The following CTNNA2 variants were observed in gnomAD, a reference collection of about 807,000 sequenced individuals.
CTNNA2 encodes the protein catenin alpha 2.
Under a neutral mutation model 101.0 loss-of-function variants are expected in CTNNA2, and 42 were observed. The observed-to-expected ratio is 0.42, with a 90% CI of 0.32 to 0.54. The LOEUF is 0.54. Ranked by LOEUF, CTNNA2 falls within the 20% of genes least tolerant of loss-of-function variation. The pLI is 0.14. For synonymous variants in CTNNA2, 450 were observed against 456.4 expected (o/e 0.99, Z 0.18); for missense variants, 871 against 1,223.1 (o/e 0.71, Z 4.29).
intron 7 of CTNNA2, among the ~76,000 whole-genome samples, chr2:79,946,618 C>T (rs747446339): frequency 3.3e-5 from 5 of 152,170 alleles, no homozygotes; most frequent in Admixed American, 6.5e-5. Context: ...TTTAATCTTG[C>T]TTTTCCTTTC....
At chr2:80,369,427 A>G (rs1675251229) in intron 7 of CTNNA2, among the ~76,000 whole-genome samples, 2 of 152,126 alleles carry the variant, frequency 1.3e-5, no homozygotes, top group Admixed American at 1.3e-4. Flanking sequence ...TCACCCAAGC[A>G]TGCAAGAATG....
intron 4 of CTNNA2, among the ~76,000 whole-genome samples, chr2:79,416,242 T>G (rs1291852701): frequency 1.3e-5 from 2 of 149,958 alleles, no homozygotes; most frequent in Non-Finnish European, 3.0e-5. Context: ...TCTCCTTGTC[T>G]TCTTCTTTCC....
chr2:80,225,498 T>C (rs1708833025), intron 7 of CTNNA2, among the ~76,000 whole-genome samples: 1 of 152,180 alleles, frequency 6.6e-6, no homozygotes, highest in South Asian at 2.1e-4. Context: ...GTAAGTGGTT[T>C]AAGAAAAATG....
chr2:80,359,295 A>AT (rs1414844557), intron 7 of CTNNA2, among the ~76,000 whole-genome samples: 2 of 152,202 alleles, frequency 1.3e-5, no homozygotes, highest in Admixed American at 6.6e-5. Context: ...TAAAGTGGCC[A>AT]TATGTGTTTA....
intron 2 of CTNNA2, among the ~76,000 whole-genome samples, chr2:79,652,621 C>T (rs1402983118): frequency 2.0e-5 from 3 of 152,072 alleles, no homozygotes; most frequent in Non-Finnish European, 4.4e-5. Context: ...CCCAAATACT[C>T]CAGAAAAATC....
At chr2:80,639,430 G>C (rs577991213) in intron 18 of CTNNA2, among the ~76,000 whole-genome samples, 1 of 152,002 alleles carries the variant, frequency 6.6e-6, no homozygotes, top group South Asian at 2.1e-4. Flanking sequence ...GACTGGTCTC[G>C]ATCTCCTGAC....
chr2:79,400,423 T>TA (rs1414228124), intron 4 of CTNNA2, among the ~76,000 whole-genome samples: 63 of 152,132 alleles, frequency 4.1e-4, no homozygotes, highest in African/African-American at 1.5e-3. Context: ...TCATAGCTGC[T>TA]ATATAGAGAA....
chr2:80,555,946 A>G (rs954696481), intron 12 of CTNNA2, 53 bp downstream of exon 12: 16 of 1,192,180 alleles, frequency 1.3e-5, no homozygotes, highest in African/African-American at 7.8e-5. Flanking sequence ...ATTAGTTTCT[A>G]TAACTGAATA....
intron 7 of CTNNA2, among the ~76,000 whole-genome samples, chr2:80,289,732 ACT>A (rs2149175995): frequency 6.6e-6 from 1 of 152,286 alleles, no homozygotes. Context: ...ACAGAGTCAC[ACT>A]AGTGACTGTC....
In CTNNA2 at chr2:80,293,688, C is replaced by T. The variant is rs151179993; in HGVS notation, c.1057-99523C>T. The stretch of plus-strand genomic sequence containing the variant: ...TCCTTGTTTAAGTTGCAAAAATCCC[C>T]GGAGTAGAATTATCACCACTCCACC... On this transcript the variant is annotated intron_variant, in intron 7 of 18. Transcript: ENST00000402739. Among the ~76,000 whole-genome samples, 494 of 152,196 alleles carry T rather than the reference C, an allele frequency of 3.2e-3. 3 individuals are homozygous for T. The highest frequency in any genetic ancestry group is 0.011 in the African/African-American group (473 of 41,538).
At chr2:79,536,577 G>A (rs6717469) in intron 1 of CTNNA2, among the ~76,000 whole-genome samples, 44 of 27,760 alleles carry the variant, frequency 1.6e-3, no homozygotes, top group South Asian at 3.1e-3. Context: ...CTAAAGAAGT[G>A]TGTGTGTGTG....
chr2:79,346,561 C>T (rs951307543), intron 3 of CTNNA2, among the ~76,000 whole-genome samples: 1 of 152,110 alleles, frequency 6.6e-6, no homozygotes, highest in African/African-American at 2.4e-5. Flanking sequence ...TCCAAGATCC[C>T]TCCTTGAAGC....
At chr2:79,275,375 C>T (rs932593765) in intron 2 of CTNNA2, among the ~76,000 whole-genome samples, 1 of 151,912 alleles carries the variant, frequency 6.6e-6, no homozygotes, top group African/African-American at 2.4e-5. Context: ...TAAAAAAATA[C>T]AGATTAATTT....
intron 8 of CTNNA2, among the ~76,000 whole-genome samples, chr2:80,417,846 T>C (rs1246315138): frequency 6.6e-6 from 1 of 152,178 alleles, no homozygotes; most frequent in Non-Finnish European, 1.5e-5. Context: ...GCCTTGATAA[T>C]TTTAAGTTGC....
At chr2:79,907,196 G>A (rs2104309352) in intron 6 of CTNNA2, among the ~76,000 whole-genome samples, 1 of 152,198 alleles carries the variant, frequency 6.6e-6, no homozygotes. Flanking sequence ...TATGTTTTAT[G>A]TTAATATGGT....
intron 2 of CTNNA2, among the ~76,000 whole-genome samples, chr2:79,202,908 T>A (rs1319585927): frequency 6.6e-6 from 1 of 152,214 alleles, no homozygotes; most frequent in African/African-American, 2.4e-5. Context: ...AGCTTTGAGG[T>A]GAAAGAAGAG....
At chr2:80,370,313 C>T (rs370348899) in intron 7 of CTNNA2, among the ~76,000 whole-genome samples, 1 of 151,714 alleles carries the variant, frequency 6.6e-6, no homozygotes, top group Non-Finnish European at 1.5e-5. Context: ...TCTATAGCTA[C>T]CTAGTGAAAT....
intron 1 of CTNNA2, among the ~76,000 whole-genome samples, chr2:79,529,471 T>G (rs1026501071): frequency 1.3e-5 from 2 of 152,140 alleles, no homozygotes; most frequent in African/African-American, 4.8e-5. Context: ...CTGTTGGTAT[T>G]CAAATTAGAA....
rs1329161126 is a variant in CTNNA2, at chr2:79,672,696, ATTTTCTT to A, written c.102+21050_102+21056del. 2.6e-4 allele frequency among the ~76,000 whole-genome samples: 38 copies of A among 147,370 alleles called. 1 individual carries two copies. The East Asian group carries it at 7.0e-3, about 27-fold the overall frequency. On this transcript the variant is annotated intron_variant, in intron 2 of 18. Coordinates refer to ENST00000402739, the MANE Select transcript of CTNNA2 (RefSeq NM_001282597.3). ...TTTTCCTAATATTTTCCGATGCAAC[ATTTTCTT>A]TTTTCTTTTTTTTTTTTTTTTTGAG... is the stretch of plus-strand genomic sequence containing the variant.
Sources: allele counts gnomAD v4.1 joint callset (sites outside exome capture counted in the v4.1 genomes callset), GRCh38; gene constraint gnomAD v4.1.1; transcripts MANE v1.5; gene names NCBI Gene and HGNC (gene_info 2026-07-23, HGNC 2026-07-21).